The following TANK variants were observed in gnomAD, a reference collection of about 807,000 sequenced individuals.
The protein encoded by TANK is TRAF family member associated NFKB activator.
A neutral mutation model predicts 43.6 loss-of-function variants in TANK; 15 were observed. The ratio of observed to expected loss-of-function variants is 0.34; its 90% CI spans 0.23 to 0.53. The LOEUF is 0.53. Ranked by LOEUF, TANK falls within the 20% of genes least tolerant of loss-of-function variation. The pLI is 0.94. For synonymous variants in TANK, 162 were observed against 178.2 expected, an observed-to-expected ratio of 0.91 and a Z score of 0.73; for missense variants, 417 against 498.6, an observed-to-expected ratio of 0.84 and a Z score of 1.56.
intron 1 of TANK, among the ~76,000 whole-genome samples, chr2:161,152,231 G>A (rs913091370): frequency 2.0e-5 from 3 of 152,110 alleles, no homozygotes; most frequent in Admixed American, 1.3e-4. Flanking sequence ...TACCTATGTA[G>A]TTGTCTTTAC....
At position 161,179,592 on chromosome 2, in the gene TANK, AATTG is replaced by A; in HGVS notation, c.-49-19_-49-16del. On this transcript the variant is annotated intron_variant, in intron 1 of 7. Transcript: ENST00000392749. ...GTTTATGTAACTTAGTAATTATCTA[AATTG>A]ATCTCATTATTTTGCAGACCTGTCA... The A allele has an allele frequency of 6.3e-7, 1 of 1,581,572 alleles. No individual in the cohort carries two copies. Among genetic ancestry groups the A allele is most frequent in the Non-Finnish European group, 8.6e-7 (1 of 1,162,344 alleles).
At chr2:161,207,728 C>T in intron 4 of TANK, 1 of 984,952 alleles carries the variant, frequency 1.0e-6, no homozygotes, top group Non-Finnish European at 1.2e-6. Flanking sequence ...TTAGCTAATA[C>T]AGGTGAAACC....
intron 2 of TANK, chr2:161,197,640 GA>G: frequency 6.4e-6 from 1 of 155,280 alleles, no homozygotes; most frequent in Non-Finnish European, 1.4e-5. Flanking sequence ...CTGTTTCCAA[GA>G]TGGCACCTCA....
At chr2:161,182,048 C>T (rs551976003) in intron 2 of TANK, among the ~76,000 whole-genome samples, 1 of 151,774 alleles carries the variant, frequency 6.6e-6, no homozygotes, top group East Asian at 1.9e-4. Context: ...AAGAGGAGAA[C>T]AGGAGAACGT....
At position 161,185,862 on chromosome 2, in the gene TANK, TA is replaced by T. The variant is rs576089187; in HGVS notation, c.99+6109del. 3.3e-3 allele frequency among the ~76,000 whole-genome samples: 497 copies of T among 151,860 alleles called. 2 individuals are homozygous for T. Among genetic ancestry groups the T allele is most frequent in the African/African-American group, 9.8e-3 (404 of 41,426 alleles). On this transcript the variant is annotated intron_variant, in intron 2 of 7. Coordinates refer to ENST00000392749, the MANE Select transcript of TANK (RefSeq NM_001199135.3). Reference sequence around the variant, plus strand: ...ATGTACCCTAAAACTTAAAGTATAATAAAAAAAATAATAATAATTCATGCCT... The same window carrying T: ...ATGTACCCTAAAACTTAAAGTATAATAAAAAAATAATAATAATTCATGCCT...
At chr2:161,207,360 A>T in intron 4 of TANK, 1 of 959,788 alleles carries the variant, frequency 1.0e-6, no homozygotes, top group Non-Finnish European at 1.2e-6. Flanking sequence ...CTAATAGGGG[A>T]AAGGTTTATG....
At chr2:161,175,815 T>G (rs1219133492) in intron 1 of TANK, among the ~76,000 whole-genome samples, 1 of 151,924 alleles carries the variant, frequency 6.6e-6, no homozygotes, top group African/African-American at 2.4e-5. Flanking sequence ...CTGGTCTGGG[T>G]AGGAAAAAAG....
chr2:161,160,957 A>C (rs1684400874), intron 1 of TANK: 2 of 430,540 alleles, frequency 4.6e-6, no homozygotes, highest in Admixed American at 6.6e-5. Flanking sequence ...AGGTGGTTGC[A>C]CAATTCCCCT....
intron 2 of TANK, among the ~76,000 whole-genome samples, chr2:161,195,062 T>C (rs1267074): frequency 6.6e-6 from 1 of 152,058 alleles, no homozygotes; most frequent in Admixed American, 6.6e-5. Flanking sequence ...GATATTTGTA[T>C]CCTTTCTTCC....
intron 4 of TANK, among the ~76,000 whole-genome samples, chr2:161,210,923 A>G (rs1448762750): frequency 6.6e-6 from 1 of 152,160 alleles, no homozygotes; most frequent in Non-Finnish European, 1.5e-5. Context: ...CTTTGATGGA[A>G]AAAGGATAAT....
At chr2:161,179,129 T>C (rs1685305513) in intron 1 of TANK, among the ~76,000 whole-genome samples, 1 of 152,148 alleles carries the variant, frequency 6.6e-6, no homozygotes, top group Non-Finnish European at 1.5e-5. Context: ...TTTTCACACA[T>C]TTTAATTGCT....
chr2:161,233,021 A>G, intron 7 of TANK: 1 of 651,022 alleles, frequency 1.5e-6, no homozygotes, highest in South Asian at 2.4e-5. Context: ...CTTTTAAGCT[A>G]TTTTATTAGT....
intron 2 of TANK, among the ~76,000 whole-genome samples, chr2:161,182,501 A>G (rs1685474075): frequency 2.0e-5 from 3 of 152,140 alleles, no homozygotes; most frequent in Admixed American, 1.3e-4. Flanking sequence ...AGGATATTTT[A>G]CAGGATATTA....
At chr2:161,202,694 A>T (rs1017295164) in intron 2 of TANK, among the ~76,000 whole-genome samples, 1 of 152,098 alleles carries the variant, frequency 6.6e-6, no homozygotes, top group Non-Finnish European at 1.5e-5. Context: ...CCCTCCAGGG[A>T]TAGAAATTGG....
At chr2:161,157,887 T>A (rs1684267391), upstream of TANK, among the ~76,000 whole-genome samples, 1 of 152,236 alleles carries the variant, frequency 6.6e-6, no homozygotes, top group Admixed American at 6.5e-5. Flanking sequence ...TTTCACCATG[T>A]TGGCCAGGCT....
chr2:161,205,788 G>GGTTTT (rs959187103), intron 4 of TANK, among the ~76,000 whole-genome samples: 4 of 151,970 alleles, frequency 2.6e-5, no homozygotes, highest in Non-Finnish European at 4.4e-5. Flanking sequence ...TGTTGTTGTT[G>GGTTTT]GTTTTGTTTT....
intron 6 of TANK, among the ~76,000 whole-genome samples, chr2:161,226,064 G>A (rs920031064): frequency 6.6e-6 from 1 of 152,098 alleles, no homozygotes; most frequent in Non-Finnish European, 1.5e-5. Context: ...AAATATGCTA[G>A]CTATGGAGAT....
intron 2 of TANK, among the ~76,000 whole-genome samples, chr2:161,190,873 A>G (rs911936246): frequency 6.6e-6 from 1 of 152,154 alleles, no homozygotes; most frequent in Non-Finnish European, 1.5e-5. Flanking sequence ...TTCTGGAGGT[A>G]GATGGTGGTG....
chr2:161,182,991 A>C (rs573597908), intron 2 of TANK, among the ~76,000 whole-genome samples: 52 of 152,322 alleles, frequency 3.4e-4, no homozygotes, highest in South Asian at 8.3e-4. Flanking sequence ...GTATTGTAAC[A>C]AAAGACTATA....
Sources: gnomAD v4.1 joint callset for allele counts (sites outside exome capture counted in the v4.1 genomes callset) on GRCh38, gnomAD v4.1.1 for gene constraint, MANE v1.5 for transcripts, NCBI Gene and HGNC (gene_info 2026-07-23, HGNC 2026-07-21) for gene names.